The following VAT1L variants were observed in gnomAD, a reference collection of about 807,000 sequenced individuals.
The protein encoded by VAT1L is vesicle amine transport 1 like.
In VAT1L, 34 loss-of-function variants were observed where a neutral mutation model predicts 44.1. That is an observed-to-expected ratio of 0.77 (90% confidence interval 0.59 to 1.03). The LOEUF (loss-of-function observed/expected upper bound fraction) is 1.03. Ranked by LOEUF, VAT1L falls within the 50% of genes least tolerant of loss-of-function variation. The pLI, the probability that VAT1L is intolerant of heterozygous loss-of-function variation, is 0.00. For missense variants in VAT1L, 615 were observed against 538.8 expected (o/e 1.14, Z -1.40); for synonymous variants, 253 against 202.2 (o/e 1.25, Z -2.13).
intron 3 of VAT1L, among the ~76,000 whole-genome samples, chr16:77,855,036 G>A (rs1359075228): frequency 1.3e-5 from 2 of 152,138 alleles, no homozygotes; most frequent in African/African-American, 2.4e-5. Context: ...TTAAGTCCAA[G>A]TTCCCATTTT....
At chr16:77,799,565 T>A (rs371377045) in intron 1 of VAT1L, among the ~76,000 whole-genome samples, 1 of 138,052 alleles carries the variant, frequency 7.2e-6, no homozygotes, top group South Asian at 2.3e-4. Flanking sequence ...GTGGTGTGTA[T>A]TGGGGGAAAA....
At chr16:77,888,218 C>T (rs1597084243) in intron 7 of VAT1L, among the ~76,000 whole-genome samples, 1 of 152,180 alleles carries the variant, frequency 6.6e-6, no homozygotes, top group Non-Finnish European at 1.5e-5. Context: ...ATTTGATACT[C>T]TCCATTGCAT....
Position 77,825,345 on chromosome 16 carries a change from T to C in VAT1L, c.463T>C (p.Phe155Leu). Residue 155 changes from phenylalanine (F) to leucine (L), a missense_variant, in exon 3 of 9, where the codon TTC (phenylalanine) becomes CTC (leucine). By Grantham distance (22) the Phe-to-Leu change is conservative. Coordinates refer to ENST00000302536, the MANE Select transcript of VAT1L (RefSeq NM_020927.3). ...CTACAAGATCCCGGATGACATGAGC[T>C]TCTCCGAGGCTGCTGCATTCCCCAT... ...FVYKIPDDMSFSEAAAFPMNF... is the reference protein window; with the variant it reads ...FVYKIPDDMSLSEAAAFPMNF... 1 of 1,614,202 alleles carries C rather than the reference T, an allele frequency of 6.2e-7. No individual in the cohort carries two copies. Among genetic ancestry groups the C allele is most frequent in the South Asian group, 1.1e-5 (1 of 91,084 alleles).
chr16:77,974,710 A>G (rs1217680061), intron 8 of VAT1L, among the ~76,000 whole-genome samples: 1 of 152,056 alleles, frequency 6.6e-6, no homozygotes, highest in Non-Finnish European at 1.5e-5. Flanking sequence ...TTACAGGCAC[A>G]TGCCACCACA....
chr16:77,920,954 G>T (rs1468514176), intron 7 of VAT1L, among the ~76,000 whole-genome samples: 2 of 151,076 alleles, frequency 1.3e-5, no homozygotes, highest in East Asian at 3.9e-4. Context: ...TGTGTAGTGT[G>T]TATGTGCATA....
At chr16:77,789,284 G>A (rs765535542) in intron 1 of VAT1L, among the ~76,000 whole-genome samples, 18 of 152,258 alleles carry the variant, frequency 1.2e-4, no homozygotes, top group Middle Eastern at 3.4e-3. Flanking sequence ...ATTAAGAACC[G>A]CAAGCCCACT....
rs563071531 is a variant in VAT1L at position 77,906,653 on chromosome 16, T to C, written c.1077+21851T>C. 7.0e-4 allele frequency among the ~76,000 whole-genome samples: 107 copies of C among 152,228 alleles called. 2 individuals are homozygous for C. In the South Asian group the frequency reaches 0.021, roughly 30 times the overall value. On this transcript the variant is annotated intron_variant, in intron 7 of 8. Coordinates refer to ENST00000302536, the MANE Select transcript of VAT1L (RefSeq NM_020927.3). ...CCTGGGGAAACTACGGAAATGCAACTCAAAACTGTCTTCCTGAAAAACTAA... is the reference window on the plus strand; with the variant it reads ...CCTGGGGAAACTACGGAAATGCAACCCAAAACTGTCTTCCTGAAAAACTAA...
intron 7 of VAT1L, among the ~76,000 whole-genome samples, chr16:77,950,409 A>AACACACACAC (rs61168492): frequency 0.11 from 14,845 of 130,924 alleles, 1,049 homozygotes; most frequent in Non-Finnish European, 0.14. Context: ...ATTCCATCTA[A>AACACACACAC]ACACACACAC....
At position 77,879,060 on chromosome 16, in the gene VAT1L, T is replaced by C. The variant is rs2017120219; in HGVS notation, c.827-109T>C. 1.8e-6 allele frequency: 2 copies of C among 1,116,378 alleles called. No homozygotes were observed. Among genetic ancestry groups the C allele is most frequent in the African/African-American group, 3.1e-5 (2 of 63,986 alleles). 69.2% of individuals were successfully genotyped at this position (1,116,378 alleles called of 1,614,324 possible). A position where few individuals can be genotyped will look rare whatever the true frequency, so the allele number is the denominator to read the frequency against. On this transcript the variant is annotated intron_variant, in intron 5 of 8. Coordinates refer to ENST00000302536, the MANE Select transcript of VAT1L (RefSeq NM_020927.3). The surrounding 1 kb of genome is among the most constrained non-coding windows in gnomAD (Gnocchi z 4.1). ...TTGCCAAGGCTTAATTAAATTTGTT[T>C]TCAAGATTTCTCCAGTTCCGGACCA...
intron 7 of VAT1L, among the ~76,000 whole-genome samples, chr16:77,934,901 T>C (rs965382381): frequency 2.0e-5 from 3 of 152,098 alleles, no homozygotes; most frequent in Non-Finnish European, 4.4e-5. Context: ...GGTGGATGAA[T>C]TTGCAGGATG....
intron 3 of VAT1L, among the ~76,000 whole-genome samples, chr16:77,850,856 C>A (rs1441588768): frequency 3.9e-5 from 6 of 152,104 alleles, no homozygotes. Context: ...TGATTTAGAG[C>A]CCTGTGAAGG....
intron 3 of VAT1L, among the ~76,000 whole-genome samples, chr16:77,849,958 T>C (rs2016792599): frequency 6.6e-6 from 1 of 152,196 alleles, no homozygotes; most frequent in Admixed American, 6.5e-5. Flanking sequence ...TACTTTGAAA[T>C]GGAATTGTTG....
intron 7 of VAT1L, among the ~76,000 whole-genome samples, chr16:77,910,439 G>A (rs988041730): frequency 1.3e-5 from 2 of 152,184 alleles, no homozygotes; most frequent in East Asian, 1.9e-4. Flanking sequence ...TTGGGAGGCC[G>A]AGGCGGGCGA....
At chr16:77,975,165 A>G (rs1288819919) in intron 8 of VAT1L, among the ~76,000 whole-genome samples, 1 of 133,092 alleles carries the variant, frequency 7.5e-6, no homozygotes, top group Non-Finnish European at 1.6e-5. Context: ...AGGCGCCTGC[A>G]GAGGTGCTTT....
At chr16:77,970,039 C>A in intron 7 of VAT1L, among the ~76,000 whole-genome samples, 1 of 109,020 alleles carries the variant, frequency 9.2e-6, no homozygotes, top group Non-Finnish European at 1.7e-5. Context: ...CATGGCAAAA[C>A]CACATCTCTA....
chr16:77,870,864 G>A (rs11150020), intron 4 of VAT1L, among the ~76,000 whole-genome samples: 71,745 of 151,964 alleles, frequency 0.47, 18,394 homozygotes, highest in East Asian at 0.76. Context: ...TGAGCCTTCC[G>A]GCTCCACTTG....
chr16:77,907,968 C>T (rs1032109613), intron 7 of VAT1L, among the ~76,000 whole-genome samples: 7 of 152,184 alleles, frequency 4.6e-5, no homozygotes, highest in Non-Finnish European at 7.3e-5. Context: ...GGGCTGGACA[C>T]GGGGGCTCAC....
At chr16:77,809,652 C>T (rs1278670469) in intron 1 of VAT1L, among the ~76,000 whole-genome samples, 3 of 152,194 alleles carry the variant, frequency 2.0e-5, no homozygotes, top group Admixed American at 6.5e-5. Context: ...CAAGGCTCAT[C>T]CCCTCTTCTC....
chr16:77,844,494 C>T (rs894981465), intron 3 of VAT1L, among the ~76,000 whole-genome samples: 1 of 152,034 alleles, frequency 6.6e-6, no homozygotes, highest in Non-Finnish European at 1.5e-5. Flanking sequence ...CTGCAACCTC[C>T]GCCTCCCAGG....
Sources: gnomAD v4.1 joint callset for allele counts (sites outside exome capture counted in the v4.1 genomes callset) on GRCh38, gnomAD v4.1.1 for gene constraint, Gnocchi (gnomAD v3.1) non-coding constraint, MANE v1.5 for transcripts, NCBI Gene and HGNC (gene_info 2026-07-23, HGNC 2026-07-21) for gene names.